Variants in MSR1 observed in about 807,000 individuals in gnomAD.
The protein encoded by MSR1 is macrophage scavenger receptor 1.
MSR1 carries 53 observed loss-of-function variants against 47.2 expected under a neutral mutation model. The ratio of observed to expected loss-of-function variants is 1.12; its 90% CI spans 0.90 to 1.41. The LOEUF (loss-of-function observed/expected upper bound fraction) is 1.41, where lower values mean the gene tolerates loss of function less well. MSR1 is among the 40% of genes most tolerant of loss of function. The probability of loss-of-function intolerance (pLI) is 0.00; values close to 1 mark genes in which losing one functional copy is unlikely to be tolerated. For synonymous variants in MSR1, 239 were observed against 185.6 expected, an observed-to-expected ratio of 1.29 and a Z score of -2.34; for missense variants, 786 against 546.9, an observed-to-expected ratio of 1.44 and a Z score of -4.36.
At chr8:16,111,259 C>T (rs1799750047) in intron 9 of MSR1, among the ~76,000 whole-genome samples, 2 of 152,046 alleles carry the variant, frequency 1.3e-5, no homozygotes, top group South Asian at 4.1e-4. Context: ...CATGTTAATA[C>T]AGGAGGAAGC....
At chr8:16,178,264 C>A (rs1801719263) in intron 1 of MSR1, among the ~76,000 whole-genome samples, 1 of 147,958 alleles carries the variant, frequency 6.8e-6, no homozygotes, top group Non-Finnish European at 1.5e-5. Context: ...CTCCCCCTAC[C>A]CCACAACAGG....
intron 5 of MSR1, among the ~76,000 whole-genome samples, chr8:16,160,386 A>G (rs1369110488): frequency 6.6e-6 from 1 of 152,058 alleles, no homozygotes; most frequent in African/African-American, 2.4e-5. Flanking sequence ...TTGCTAAGAC[A>G]AAAGTCTTAG....
intron 7 of MSR1, among the ~76,000 whole-genome samples, chr8:16,147,839 C>G (rs762989808): frequency 6.6e-6 from 1 of 152,026 alleles, no homozygotes. Flanking sequence ...TTTCTTTGTG[C>G]GTGATTACTC....
At chr8:16,132,560 T>C (rs1762793806) in intron 8 of MSR1, among the ~76,000 whole-genome samples, 1 of 152,124 alleles carries the variant, frequency 6.6e-6, no homozygotes, top group Non-Finnish European at 1.5e-5. Context: ...TGATCTTGGC[T>C]CACTGCAACC....
intron 5 of MSR1, among the ~76,000 whole-genome samples, chr8:16,163,324 T>C (rs899640937): frequency 6.6e-6 from 1 of 151,652 alleles, no homozygotes. Context: ...AAAGAAAAGG[T>C]AAGTATTCAT....
rs766850564 is a variant in MSR1 at position 16,109,787 on chromosome 8, T to C, written c.*298A>G. The C allele has an allele frequency of 3.1e-5, 11 of 355,348 alleles. No homozygotes were observed. The highest frequency in any genetic ancestry group is 5.2e-5 in the Non-Finnish European group (10 of 192,438). The allele number at this position is 355,348 out of a possible 1,614,324, so 22.0% of individuals were successfully genotyped here. On this transcript the variant is annotated 3_prime_UTR_variant, in exon 10 of 10. Transcript: ENST00000262101. ...AATTGGAGCCAATTACTGGTATGCA[T>C]TTCTATTACCCTTGGCCTTTGTAAT...
At chr8:16,118,332 A>C (rs893439885) in intron 9 of MSR1, among the ~76,000 whole-genome samples, 1 of 152,206 alleles carries the variant, frequency 6.6e-6, no homozygotes, top group Non-Finnish European at 1.5e-5. Context: ...TCCCCTTCAT[A>C]GATGGTAACA....
chr8:16,168,279 C>T (rs35489426), intron 4 of MSR1, among the ~76,000 whole-genome samples, 179 bp downstream of exon 4: 69 of 152,214 alleles, frequency 4.5e-4, no homozygotes, highest in African/African-American at 1.6e-3. Context: ...TTAGAGAAGG[C>T]GAATCCATTT....
chr8:16,178,936 C>CA (rs778936375), intron 1 of MSR1, among the ~76,000 whole-genome samples: 45 of 152,110 alleles, frequency 3.0e-4, no homozygotes, highest in Non-Finnish European at 4.9e-4. Context: ...TTAATTTTAG[C>CA]AAAAAAACCA....
At chr8:16,170,448 A>G (rs905373772) in intron 3 of MSR1, among the ~76,000 whole-genome samples, 4 of 152,056 alleles carry the variant, frequency 2.6e-5, no homozygotes, top group Non-Finnish European at 4.4e-5. Flanking sequence ...CTGTTTTCCT[A>G]TATCTCTCTA....
At chr8:16,129,318 A>C (rs1454152859) in intron 8 of MSR1, among the ~76,000 whole-genome samples, 1 of 152,130 alleles carries the variant, frequency 6.6e-6, no homozygotes, top group Non-Finnish European at 1.5e-5. Context: ...GATATGAGTA[A>C]GAAGTAGAAA....
chr8:16,142,539 A>G lies in MSR1; in HGVS notation c.1033+1019T>C, dbSNP rs189644665. On this transcript the variant is annotated intron_variant, in intron 8 of 9. Transcript: ENST00000262101. Reference sequence around the variant, plus strand: ...ACTTTGAAAGCATCATGATTACACTAATGACTACTCTAATGGCTGGTATTC... The same window carrying G: ...ACTTTGAAAGCATCATGATTACACTGATGACTACTCTAATGGCTGGTATTC... 1.1e-4 allele frequency among the ~76,000 whole-genome samples: 16 copies of G among 152,252 alleles called. No homozygotes were observed. In the East Asian group the frequency reaches 2.7e-3, roughly 26 times the overall value.
chr8:16,190,829 C>G (rs1802179200), intron 1 of MSR1, among the ~76,000 whole-genome samples: 1 of 151,140 alleles, frequency 6.6e-6, no homozygotes, highest in Non-Finnish European at 1.5e-5. Flanking sequence ...TCATGTGATT[C>G]TCCTGCCTCA....
intron 4 of MSR1, among the ~76,000 whole-genome samples, chr8:16,168,255 C>T (rs1381113541): frequency 6.6e-6 from 1 of 152,212 alleles, no homozygotes; most frequent in Non-Finnish European, 1.5e-5. Context: ...AAAATTTCCC[C>T]TTTTTCTAAG....
rs1391691603 is a variant in MSR1 at position 16,109,640 on chromosome 8, A to G, written c.*445T>C. The G allele has an allele frequency of 1.1e-5, 2 of 174,894 alleles. No homozygotes were observed. The highest frequency in any genetic ancestry group is 4.8e-5 in the African/African-American group (2 of 41,630). 10.8% of individuals were successfully genotyped at this position (174,894 alleles called of 1,614,324 possible). On this transcript the variant is annotated 3_prime_UTR_variant, in exon 10 of 10. Coordinates refer to ENST00000262101, the MANE Select transcript of MSR1 (RefSeq NM_138715.3). ...AATATGTGTGGATTGGAGATTTTGC[A>G]ATCTAGGCACAAAAGATATCTTCTG...
At chr8:16,181,078 C>A (rs1381170984) in intron 1 of MSR1, among the ~76,000 whole-genome samples, 1 of 152,102 alleles carries the variant, frequency 6.6e-6, no homozygotes, top group African/African-American at 2.4e-5. Flanking sequence ...ATTTAAAGAG[C>A]AGTTTTACTC....
chr8:16,184,166 T>G (rs1801925254), intron 1 of MSR1, among the ~76,000 whole-genome samples: 1 of 151,908 alleles, frequency 6.6e-6, no homozygotes, highest in Non-Finnish European at 1.5e-5. Context: ...TATGCCTTAC[T>G]TAGGTTAAGA....
chr8:16,189,690 A>G (rs1802134645), intron 1 of MSR1, among the ~76,000 whole-genome samples: 1 of 30,846 alleles, frequency 3.2e-5, no homozygotes, highest in Non-Finnish European at 7.3e-5. Flanking sequence ...TATTTTATAT[A>G]TATTTTATAT....
At chr8:16,142,751 A>G (rs537763414) in intron 8 of MSR1, among the ~76,000 whole-genome samples, 1 of 152,266 alleles carries the variant, frequency 6.6e-6, no homozygotes, top group South Asian at 2.1e-4. Flanking sequence ...CTGATGATTA[A>G]ATATGATCAC....
Sources: gnomAD v4.1 joint callset for allele counts (sites outside exome capture counted in the v4.1 genomes callset) on GRCh38, gnomAD v4.1.1 for gene constraint, MANE v1.5 for transcripts, NCBI Gene and HGNC (gene_info 2026-07-23, HGNC 2026-07-21) for gene names.